The following SH3GL2 variants were observed in gnomAD, a reference collection of about 807,000 sequenced individuals.
SH3GL2 encodes endophilin-A1.
A neutral mutation model predicts 46.0 loss-of-function variants in SH3GL2; 24 were observed. The ratio of observed to expected loss-of-function variants is 0.52; its 90% CI spans 0.38 to 0.73. The LOEUF (loss-of-function observed/expected upper bound fraction) is 0.73, where lower values mean the gene tolerates loss of function less well. Ranked by LOEUF, SH3GL2 falls within the 30% of genes least tolerant of loss-of-function variation. The pLI, the probability that SH3GL2 is intolerant of heterozygous loss-of-function variation, is 0.00. For synonymous variants in SH3GL2, 196 were observed against 147.1 expected, an observed-to-expected ratio of 1.33 and a Z score of -2.40; for missense variants, 413 against 424.2, an observed-to-expected ratio of 0.97 and a Z score of 0.23.
intron 1 of SH3GL2, among the ~76,000 whole-genome samples, chr9:17,696,265 A>G (rs546250223): frequency 2.0e-5 from 3 of 152,280 alleles, no homozygotes; most frequent in African/African-American, 7.2e-5. Flanking sequence ...TAACTATTAC[A>G]TTTGTATTTT....
chr9:17,767,258 G>A (rs567986509), intron 3 of SH3GL2, among the ~76,000 whole-genome samples: 1 of 152,266 alleles, frequency 6.6e-6, no homozygotes, highest in African/African-American at 2.4e-5. Flanking sequence ...GTCATTCGAT[G>A]TCTATTTAGA....
intron 1 of SH3GL2, among the ~76,000 whole-genome samples, chr9:17,740,496 T>C (rs1303902845): frequency 8.8e-6 from 1 of 113,700 alleles, no homozygotes; most frequent in Non-Finnish European, 2.3e-5. Context: ...GTATTGTATT[T>C]TTTAAATGTT....
At chr9:17,703,448 G>T (rs1490176029) in intron 1 of SH3GL2, among the ~76,000 whole-genome samples, 1 of 151,806 alleles carries the variant, frequency 6.6e-6, no homozygotes. Context: ...AACTCATTCT[G>T]TGAGGTCAGC....
chr9:17,672,193 G>T (rs558357999), intron 1 of SH3GL2, among the ~76,000 whole-genome samples: 3 of 152,082 alleles, frequency 2.0e-5, no homozygotes, highest in Admixed American at 6.6e-5. Context: ...TAATTAAAAA[G>T]GTGCATACAG....
chr9:17,677,995 G>A (rs1375211469), intron 1 of SH3GL2, among the ~76,000 whole-genome samples: 1 of 152,202 alleles, frequency 6.6e-6, no homozygotes, highest in Non-Finnish European at 1.5e-5. Flanking sequence ...TCCATGGTGT[G>A]TACGTGCCAC....
In SH3GL2 at chr9:17,795,810, T is replaced by A. The variant is rs141901678; in HGVS notation, c.*67T>A. 2 of 1,320,294 alleles carry A rather than the reference T, an allele frequency of 1.5e-6. No homozygotes were observed. Among genetic ancestry groups the A allele is most frequent in the Non-Finnish European group, 2.1e-6 (2 of 932,564 alleles). 81.8% of individuals were successfully genotyped at this position (1,320,294 alleles called of 1,614,324 possible). The stretch of plus-strand genomic sequence containing the variant: ...TTACGGTTAACCACTGCTTTGGCAA[T>A]GCTGCTTATAACACATCCCAAGTGC... On this transcript the variant is annotated 3_prime_UTR_variant, in exon 9 of 9. Coordinates refer to ENST00000380607, the MANE Select transcript of SH3GL2 (RefSeq NM_003026.5).
At chr9:17,722,976 G>C (rs189512666) in intron 1 of SH3GL2, among the ~76,000 whole-genome samples, 2 of 152,070 alleles carry the variant, frequency 1.3e-5, no homozygotes, top group African/African-American at 4.8e-5. Flanking sequence ...CACAGTGCCT[G>C]CTTAGTAATT....
At chr9:17,709,166 T>G (rs182826816) in intron 1 of SH3GL2, among the ~76,000 whole-genome samples, 1 of 152,188 alleles carries the variant, frequency 6.6e-6, no homozygotes, top group East Asian at 1.9e-4. Context: ...TTGAAGTGTT[T>G]CCCAGGGCTT....
chr9:17,787,279 A>C (rs1823987105), intron 4 of SH3GL2, 101 bp from the exon 5 acceptor site: 1 of 896,230 alleles, frequency 1.1e-6, no homozygotes, highest in African/African-American at 1.7e-5. Context: ...TCTTTAGAAG[A>C]CAAGTGGTAA....
chr9:17,622,846 ACT>A (rs1192104320), intron 1 of SH3GL2, among the ~76,000 whole-genome samples: 1 of 152,066 alleles, frequency 6.6e-6, no homozygotes, highest in Non-Finnish European at 1.5e-5. Context: ...GAAAACCAAG[ACT>A]CAAAGACTGC....
chr9:17,651,104 C>G (rs762920888), intron 1 of SH3GL2, among the ~76,000 whole-genome samples: 2 of 152,026 alleles, frequency 1.3e-5, no homozygotes, highest in African/African-American at 2.4e-5. Context: ...TTAGTTTTTA[C>G]TGTTCTTAAT....
chr9:17,635,707 C>T (rs1179890651), intron 1 of SH3GL2, among the ~76,000 whole-genome samples: 2 of 152,092 alleles, frequency 1.3e-5, no homozygotes, highest in Non-Finnish European at 2.9e-5. Context: ...GGAAATCTGG[C>T]TGGTCTATGT....
At chr9:17,773,640 C>A (rs1823558494) in intron 3 of SH3GL2, among the ~76,000 whole-genome samples, 1 of 152,038 alleles carries the variant, frequency 6.6e-6, no homozygotes, top group African/African-American at 2.4e-5. Flanking sequence ...ATTTCTGGGC[C>A]CTCTGCTCTG....
chr9:17,630,053 A>C (rs1327512478), intron 1 of SH3GL2, among the ~76,000 whole-genome samples: 1 of 152,182 alleles, frequency 6.6e-6, no homozygotes, highest in Non-Finnish European at 1.5e-5. Flanking sequence ...ATGTTTTGCA[A>C]GTGACTCTCA....
In SH3GL2 at chr9:17,631,788, A is replaced by C. The variant is rs529973413; in HGVS notation, c.45+52501A>C. ...AATGAGCCTTTTAATCTCCCAATCC[A>C]TAGTTGGACGAGGCTCACTTTGAAA... On this transcript the variant is annotated intron_variant, in intron 1 of 8. Coordinates refer to ENST00000380607, the MANE Select transcript of SH3GL2 (RefSeq NM_003026.5). Among the ~76,000 whole-genome samples, 3 of 152,290 alleles carry C rather than the reference A, an allele frequency of 2.0e-5. No homozygotes were observed. The South Asian group carries it at 6.2e-4, about 32-fold the overall frequency.
At chr9:17,624,240 G>T (rs1294354804) in intron 1 of SH3GL2, among the ~76,000 whole-genome samples, 1 of 152,170 alleles carries the variant, frequency 6.6e-6, no homozygotes, top group African/African-American at 2.4e-5. Context: ...CGGTGGCGAT[G>T]ATTTTTAACA....
intron 1 of SH3GL2, among the ~76,000 whole-genome samples, chr9:17,611,306 C>A (rs764892516): frequency 1.3e-5 from 2 of 152,008 alleles, no homozygotes; most frequent in African/African-American, 4.8e-5. Context: ...ACGTGATAGA[C>A]ATATAGGACA....
At chr9:17,703,232 C>T (rs954714098) in intron 1 of SH3GL2, among the ~76,000 whole-genome samples, 4 of 150,618 alleles carry the variant, frequency 2.7e-5, no homozygotes, top group Admixed American at 6.6e-5. Context: ...TTGTATGGCT[C>T]GGGGAAAAAA....
intron 1 of SH3GL2, among the ~76,000 whole-genome samples, chr9:17,611,848 C>T (rs553502477): frequency 2.0e-5 from 3 of 152,296 alleles, no homozygotes; most frequent in East Asian, 3.9e-4. Context: ...CCCAACTCCT[C>T]TTGTCTTTGG....
Sources: gnomAD v4.1 joint callset for allele counts (sites outside exome capture counted in the v4.1 genomes callset) on GRCh38, gnomAD v4.1.1 for gene constraint, MANE v1.5 for transcripts, NCBI Gene and HGNC (gene_info 2026-07-23, HGNC 2026-07-21) for gene names.